Variants in ARHGAP21 observed in about 807,000 individuals in gnomAD.
ARHGAP21 encodes the protein rho GTPase-activating protein 21.
Under a neutral mutation model 164.6 loss-of-function variants are expected in ARHGAP21, and 38 were observed. That is an observed-to-expected ratio of 0.23 (90% confidence interval 0.18 to 0.30). The LOEUF is 0.30. ARHGAP21 is among the 10% of genes least tolerant of loss of function. The pLI is 1.00. For synonymous variants in ARHGAP21, 766 were observed against 857.9 expected, an observed-to-expected ratio of 0.89 and a Z score of 1.87; for missense variants, 1,822 against 2,370.7, an observed-to-expected ratio of 0.77 and a Z score of 4.81.
rs542841578 is a variant in ARHGAP21, at chr10:24,585,226, C to T, written c.5063G>A (p.Arg1688Gln). The change falls in exon 26 of 26, where the codon CGG (arginine) becomes CAG (glutamine). Residue 1688 changes from arginine (R) to glutamine (Q), a missense_variant. This residue lies in a region of ARHGAP21 where 117 missense variants were observed against 193.2 expected (regional missense o/e 0.61). Transcript: ENST00000396432. ...EGSLTSSLDS[R>Q]RQLFSSHKLI... Reference sequence around the variant, plus strand: ...TTTATGGGAACTGAAGAGCTGTCTCCGGCTATCTAAACTTGATGTTAAACT... The same window carrying T: ...TTTATGGGAACTGAAGAGCTGTCTCTGGCTATCTAAACTTGATGTTAAACT... 6.4e-5 allele frequency: 102 copies of T among 1,604,592 alleles called. 1 individual carries two copies. In the South Asian group the frequency reaches 6.9e-4, roughly 11 times the overall value.
At chr10:24,700,910 C>T (rs1052153868) in intron 2 of ARHGAP21, among the ~76,000 whole-genome samples, 6 of 152,164 alleles carry the variant, frequency 3.9e-5, no homozygotes, top group Admixed American at 1.3e-4. Flanking sequence ...CCAGAACATC[C>T]GCATTTCTTA....
intron 4 of ARHGAP21, among the ~76,000 whole-genome samples, chr10:24,658,382 A>G (rs1018793202): frequency 7.0e-6 from 1 of 142,618 alleles, no homozygotes; most frequent in Non-Finnish European, 1.5e-5. Context: ...ACACACACAT[A>G]TGTTTATTGC....
chr10:24,597,134 A>C (rs2076620209), intron 16 of ARHGAP21, among the ~76,000 whole-genome samples: 2 of 151,450 alleles, frequency 1.3e-5, no homozygotes, highest in African/African-American at 4.8e-5. Context: ...CTTTATAGTG[A>C]GACTTCAACA....
chr10:24,607,245 CAT>C (rs1399132000), intron 11 of ARHGAP21, among the ~76,000 whole-genome samples: 1 of 152,122 alleles, frequency 6.6e-6, no homozygotes, highest in African/African-American at 2.4e-5. Flanking sequence ...AAAACAGTAA[CAT>C]ATTATGTCTG....
chr10:24,644,939 C>G (rs1837412040), intron 4 of ARHGAP21, among the ~76,000 whole-genome samples: 1 of 152,212 alleles, frequency 6.6e-6, no homozygotes, highest in South Asian at 2.1e-4. Flanking sequence ...ATACTGAACT[C>G]TCTACAGGCA....
chr10:24,617,915 GAGA>G (rs1834139733), intron 9 of ARHGAP21, among the ~76,000 whole-genome samples: 1 of 152,108 alleles, frequency 6.6e-6, no homozygotes, highest in Non-Finnish European at 1.5e-5. Context: ...GTGGCAAAAA[GAGA>G]AGGAAAAAAG....
intron 2 of ARHGAP21, among the ~76,000 whole-genome samples, chr10:24,676,236 T>A (rs1313877898): frequency 6.6e-6 from 1 of 152,234 alleles, no homozygotes. Flanking sequence ...GTTTCCTATC[T>A]CCCATCATTC....
rs1225271566 is a variant in ARHGAP21, at chr10:24,595,928, T to A, written c.3593A>T (p.Glu1198Val). 1.9e-6 allele frequency: 3 copies of A among 1,613,582 alleles called. No individual in the cohort carries two copies. The highest frequency in any genetic ancestry group is 1.7e-6 in the Non-Finnish European group (2 of 1,179,770). Residue 1198 changes from glutamate to valine, a missense_variant, in exon 18 of 26, where the codon GAA (glutamate) becomes GTA (valine). Coordinates refer to ENST00000396432, the MANE Select transcript of ARHGAP21 (RefSeq NM_020824.4). ...AATATCAGCCATTCCCTTGTTGAGT[T>A]CTTCTTGCATACTTGAGATGGCTGC... ...NNAAISSMQEELNKGMADIDI... is the reference protein window; with the variant it reads ...NNAAISSMQEVLNKGMADIDI...
chr10:24,631,129 C>G (rs962322308), intron 6 of ARHGAP21, among the ~76,000 whole-genome samples: 2 of 152,046 alleles, frequency 1.3e-5, no homozygotes, highest in Non-Finnish European at 2.9e-5. Flanking sequence ...GTTCCCAGGC[C>G]AAGGTGGGTG....
chr10:24,586,373 T>C (rs1204192315), intron 25 of ARHGAP21, among the ~76,000 whole-genome samples: 18 of 152,304 alleles, frequency 1.2e-4, no homozygotes, highest in African/African-American at 4.3e-4. Flanking sequence ...AAATAGTCTG[T>C]GCTTAGTGCT....
At chr10:24,684,505 A>C (rs2131926979) in intron 2 of ARHGAP21, among the ~76,000 whole-genome samples, 1 of 152,336 alleles carries the variant, frequency 6.6e-6, no homozygotes, top group East Asian at 1.9e-4. Flanking sequence ...TTTTCTTTTT[A>C]AATGATATCT....
At chr10:24,656,388 G>GT (rs1186351260) in intron 4 of ARHGAP21, among the ~76,000 whole-genome samples, 3 of 103,018 alleles carry the variant, frequency 2.9e-5, no homozygotes, top group Non-Finnish European at 6.1e-5. Context: ...CGGGAGGGAG[G>GT]TGGGGGGGTC....
intron 7 of ARHGAP21, among the ~76,000 whole-genome samples, chr10:24,625,386 T>G (rs2131258097): frequency 6.6e-6 from 1 of 151,598 alleles, no homozygotes; most frequent in Admixed American, 6.6e-5. Context: ...TTTAACAGGT[T>G]ATTAATTTAA....
At chr10:24,677,760 T>C (rs765107116) in intron 2 of ARHGAP21, among the ~76,000 whole-genome samples, 6 of 152,190 alleles carry the variant, frequency 3.9e-5, no homozygotes, top group East Asian at 1.9e-4. Flanking sequence ...TGAGAGTTCA[T>C]TGTATATGTG....
intron 2 of ARHGAP21, among the ~76,000 whole-genome samples, chr10:24,720,994 G>GA (rs202240238): frequency 0.33 from 47,419 of 144,282 alleles, 8,026 homozygotes; most frequent in African/African-American, 0.45. Context: ...CAAACACGAG[G>GA]AAAAAAAAAA....
chr10:24,692,197 G>A (rs963171197), intron 2 of ARHGAP21, among the ~76,000 whole-genome samples: 6 of 152,160 alleles, frequency 3.9e-5, no homozygotes, highest in Admixed American at 3.9e-4. Context: ...TCTGTGATAT[G>A]GGTTTAAAGC....
intron 2 of ARHGAP21, among the ~76,000 whole-genome samples, chr10:24,709,239 A>G (rs1213972324): frequency 1.3e-5 from 2 of 152,214 alleles, no homozygotes; most frequent in Non-Finnish European, 2.9e-5. Context: ...CACATCAATA[A>G]CAAGTAGCAA....
At chr10:24,645,167 GTCTC>G (rs1314913096) in intron 4 of ARHGAP21, among the ~76,000 whole-genome samples, 1 of 152,122 alleles carries the variant, frequency 6.6e-6, no homozygotes, top group Non-Finnish European at 1.5e-5. Flanking sequence ...ACTTCTAAAT[GTCTC>G]TAAAATCTGT....
At position 24,591,991 on chromosome 10, in the gene ARHGAP21, T is replaced by C; in HGVS notation, c.3898A>G (p.Ile1300Val). 4 of 1,606,246 alleles carry C rather than the reference T, an allele frequency of 2.5e-6. No homozygotes were observed. Among genetic ancestry groups the C allele is most frequent in the African/African-American group, 1.3e-5 (1 of 74,546 alleles). The part of the protein sequence containing the change: ...KNKMEPRNLA[I>V]VFGPTLVRTS... ...CGAACAAGGGTGGGACCAAACACTATTGCTAGGTTTCTTGGTTCCATCTGA... is the reference window on the plus strand; with the variant it reads ...CGAACAAGGGTGGGACCAAACACTACTGCTAGGTTTCTTGGTTCCATCTGA... The change falls in exon 22 of 26, where the codon ATA becomes GTA. Residue 1300 changes from isoleucine (I) to valine (V), a missense_variant. Transcript: ENST00000396432.
Sources: allele counts gnomAD v4.1 joint callset (sites outside exome capture counted in the v4.1 genomes callset), GRCh38; gene constraint gnomAD v4.1.1; regional missense constraint gnomAD v4.1.1; transcripts MANE v1.5; gene names NCBI Gene and HGNC (gene_info 2026-07-23, HGNC 2026-07-21).